Variants in SRP72 observed in about 807,000 individuals in gnomAD.
SRP72 encodes the protein signal recognition particle 72.
SRP72 carries 49 observed loss-of-function variants against 96.3 expected under a neutral mutation model. That is an observed-to-expected ratio of 0.51 (90% CI 0.40 to 0.65). The LOEUF (loss-of-function observed/expected upper bound fraction) is 0.65, where lower values mean the gene tolerates loss of function less well. SRP72 is among the 30% of genes least tolerant of loss of function. SRP72 has a pLI of 0.00. For synonymous variants in SRP72, 267 were observed against 275.2 expected, an observed-to-expected ratio of 0.97 and a Z score of 0.30; for missense variants, 736 against 793.3, an observed-to-expected ratio of 0.93 and a Z score of 0.87.
At chr4:56,483,067 T>C in intron 8 of SRP72, 72 bp from the exon 9 acceptor site, 1 of 1,443,758 alleles carries the variant, frequency 6.9e-7, no homozygotes, top group Non-Finnish European at 9.5e-7. Context: ...TGTATCTATA[T>C]AAAGTTAATA....
chr4:56,493,341 C>T (rs1330097525), intron 16 of SRP72, among the ~76,000 whole-genome samples: 5 of 151,962 alleles, frequency 3.3e-5, no homozygotes, highest in African/African-American at 1.2e-4. Flanking sequence ...TGGCTTCTTT[C>T]TCTTTTTTCT....
chr4:56,487,920 G>A (rs1173644589), intron 11 of SRP72, 29 bp from the exon 12 acceptor site: 1 of 1,524,106 alleles, frequency 6.6e-7, no homozygotes, highest in African/African-American at 1.4e-5. Context: ...GTTCTTCTAT[G>A]TAATGCTGAT....
At chr4:56,497,675 G>A (rs1023448721) in intron 17 of SRP72, among the ~76,000 whole-genome samples, 1 of 151,500 alleles carries the variant, frequency 6.6e-6, no homozygotes, top group Admixed American at 6.6e-5. Flanking sequence ...AAAAGAAAAG[G>A]AGTATCACCG....
Position 56,473,412 on chromosome 4 carries a change from C to T in SRP72, c.355-642C>T, listed in dbSNP as rs189316249. On this transcript the variant is annotated intron_variant, in intron 3 of 18. Coordinates refer to ENST00000642900, the MANE Select transcript of SRP72 (RefSeq NM_006947.4). ...GGCGGAGCTTGCAGTGAGCCGAGAT[C>T]GCGCCACTGCACTCCAGCCTGGGTG... 1.3e-3 allele frequency among the ~76,000 whole-genome samples: 202 copies of T among 149,988 alleles called. 1 individual carries two copies. The highest frequency in any genetic ancestry group is 4.2e-3 in the African/African-American group (169 of 40,720).
In SRP72 at chr4:56,490,692, G is replaced by A; in HGVS notation, c.1502+47G>A. The A allele has an allele frequency of 1.4e-6, 2 of 1,457,974 alleles. 1 individual carries two copies. The highest frequency in any genetic ancestry group is 2.4e-5 in the South Asian group (2 of 84,936). 90.3% of individuals were successfully genotyped at this position (1,457,974 alleles called of 1,614,324 possible). ...CTTACAGCTCCTCAGTAGCACAATA[G>A]ATCTCTTCTGATATCTGTGTTTTGA... is the stretch of plus-strand genomic sequence containing the variant. On this transcript the variant is annotated intron_variant, in intron 15 of 18. Coordinates refer to ENST00000642900, the MANE Select transcript of SRP72 (RefSeq NM_006947.4).
In SRP72 at chr4:56,469,684, C is replaced by T; in HGVS notation, c.141C>T (p.Ala47=). ...AGATCAACAAAGATGACGTAACTGC[C>T]CTGCATTGTAAAGTGGTATGCCTTA... The part of the protein sequence containing the change: ...ILQINKDDVT[A]LHCKVVCLIQ... The change falls in exon 2 of 19, where the codon GCC becomes GCT. Residue 47 remains alanine (A), a synonymous_variant. Coordinates refer to ENST00000642900, the MANE Select transcript of SRP72 (RefSeq NM_006947.4). The T allele has an allele frequency of 6.2e-7, 1 of 1,610,734 alleles. No homozygotes were observed. The highest frequency in any genetic ancestry group is 8.5e-7 in the Non-Finnish European group (1 of 1,177,586).
At position 56,502,149 on chromosome 4, in the gene SRP72, T is replaced by C. The variant is rs2110135228; in HGVS notation, c.*288T>C. The C allele has an allele frequency of 3.4e-6, 1 of 295,398 alleles. No individual in the cohort carries two copies. The highest frequency in any genetic ancestry group is 8.1e-5 in the East Asian group (1 of 12,362). The allele number at this position is 295,398 out of a possible 1,614,324, so 18.3% of individuals were successfully genotyped here. A position where few individuals can be genotyped will look rare whatever the true frequency, so the allele number is the denominator to read the frequency against. On this transcript the variant is annotated 3_prime_UTR_variant, in exon 19 of 19. Coordinates refer to ENST00000642900, the MANE Select transcript of SRP72 (RefSeq NM_006947.4). ...ATCTGTGTGTGCTGATTTGATCTTTTTTCAGTTTCACATACCTTATCTAAG... is the reference window on the plus strand; with the variant it reads ...ATCTGTGTGTGCTGATTTGATCTTTCTTCAGTTTCACATACCTTATCTAAG...
intron 1 of SRP72, among the ~76,000 whole-genome samples, chr4:56,468,209 G>T (rs1014753094): frequency 1.3e-5 from 2 of 152,298 alleles, no homozygotes; most frequent in South Asian, 4.1e-4. Context: ...TAGTTTAGAG[G>T]CTGGTGCTAA....
At chr4:56,474,886 T>C (rs971930049) in intron 5 of SRP72, among the ~76,000 whole-genome samples, 4 of 152,206 alleles carry the variant, frequency 2.6e-5, no homozygotes, top group African/African-American at 9.6e-5. Context: ...GTTTTCGCCA[T>C]GTTGGCCAGG....
rs1348997492 is a variant in SRP72, at chr4:56,501,985, T to C, written c.*124T>C. On this transcript the variant is annotated 3_prime_UTR_variant, in exon 19 of 19. Transcript: ENST00000642900. ...TCATCTCCATATTTTCATAATTTCT[T>C]GTGTTTCAAATAGGGAAACATCTTC... 8 of 1,081,166 alleles carry C rather than the reference T, an allele frequency of 7.4e-6. No homozygotes were observed. The highest frequency in any genetic ancestry group is 1.1e-5 in the Non-Finnish European group (8 of 742,544). 67.0% of individuals were successfully genotyped at this position (1,081,166 alleles called of 1,614,324 possible).
chr4:56,486,423 A>G lies in SRP72; in HGVS notation c.1159+26A>G, dbSNP rs1357465884. 8 of 1,540,908 alleles carry G rather than the reference A, an allele frequency of 5.2e-6. No homozygotes were observed. The Admixed American group carries it at 1.1e-4, about 21-fold the overall frequency. On this transcript the variant is annotated intron_variant, in intron 11 of 18. Coordinates refer to ENST00000642900, the MANE Select transcript of SRP72 (RefSeq NM_006947.4). ...GTATTATGGTTTTCATCATGATTAAAATATTTTAATGAAAACATGTTTGGA... is the reference window on the plus strand; with the variant it reads ...GTATTATGGTTTTCATCATGATTAAGATATTTTAATGAAAACATGTTTGGA...
chr4:56,484,232 C>G (rs1720619810), intron 9 of SRP72, among the ~76,000 whole-genome samples: 1 of 151,656 alleles, frequency 6.6e-6, no homozygotes, highest in African/African-American at 2.4e-5. Flanking sequence ...GACGGGGTTT[C>G]ACCATGTTAG....
At chr4:56,474,916 G>A (rs1171682598) in intron 5 of SRP72, among the ~76,000 whole-genome samples, 3 of 152,110 alleles carry the variant, frequency 2.0e-5, no homozygotes, top group Non-Finnish European at 2.9e-5. Context: ...AATTCCTGTC[G>A]TCAAGTGATC....
intron 3 of SRP72, among the ~76,000 whole-genome samples, chr4:56,473,597 C>T (rs1375463617): frequency 1.3e-5 from 2 of 151,160 alleles, no homozygotes; most frequent in South Asian, 2.1e-4. Context: ...GAAACCCCAT[C>T]TCTACTAAAA....
intron 8 of SRP72, among the ~76,000 whole-genome samples, chr4:56,480,731 T>C (rs78012389): frequency 0.011 from 1,618 of 152,318 alleles, 35 homozygotes; most frequent in African/African-American, 0.036. Flanking sequence ...ATACAAAGCA[T>C]CATCACATAG....
chr4:56,493,334 C>A (rs1321376881), intron 16 of SRP72, among the ~76,000 whole-genome samples: 1 of 152,072 alleles, frequency 6.6e-6, no homozygotes, highest in African/African-American at 2.4e-5. Context: ...CCAAGCCTGG[C>A]TTCTTTCTCT....
chr4:56,500,376 AAAAG>A lies in SRP72; in HGVS notation c.1679-158_1679-155del, dbSNP rs1397495855. The A allele has an allele frequency of 1.4e-5, 11 of 758,626 alleles. No homozygotes were observed. The Admixed American group carries it at 3.0e-4, about 21-fold the overall frequency. The allele number at this position is 758,626 out of a possible 1,614,324, so 47.0% of individuals were successfully genotyped here. On this transcript the variant is annotated intron_variant, in intron 17 of 18. Coordinates refer to ENST00000642900, the MANE Select transcript of SRP72 (RefSeq NM_006947.4). The stretch of plus-strand genomic sequence containing the variant: ...AACTTAAAGTATAATAATTTAAAAA[AAAAG>A]ACCATTTCGCCTGCTAGATTATACA...
At position 56,486,318 on chromosome 4, in the gene SRP72, A is replaced by C; in HGVS notation, c.1087-7A>C. On this transcript the variant is annotated splice_region_variant and splice_polypyrimidine_tract_variant and intron_variant, in intron 10 of 18. Coordinates refer to ENST00000642900, the MANE Select transcript of SRP72 (RefSeq NM_006947.4). ...TGATTTTTTTCCCCCAAACTAAAAAAATTTAGGAATTTTCAGATCAGCATC... is the reference window on the plus strand; with the variant it reads ...TGATTTTTTTCCCCCAAACTAAAAACATTTAGGAATTTTCAGATCAGCATC... 1.3e-6 allele frequency: 2 copies of C among 1,598,948 alleles called. No individual in the cohort carries two copies. The highest frequency in any genetic ancestry group is 1.7e-6 in the Non-Finnish European group (2 of 1,171,096).
At chr4:56,469,320 T>C (rs1208092591) in intron 1 of SRP72, among the ~76,000 whole-genome samples, 1 of 152,214 alleles carries the variant, frequency 6.6e-6, no homozygotes. Context: ...ATGTAGAATG[T>C]AGCATGCATT....
Sources: gnomAD v4.1 joint callset for allele counts (sites outside exome capture counted in the v4.1 genomes callset) on GRCh38, gnomAD v4.1.1 for gene constraint, MANE v1.5 for transcripts, NCBI Gene and HGNC (gene_info 2026-07-23, HGNC 2026-07-21) for gene names.